PLCD1: variants seen among roughly 807,000 people sequenced by gnomAD.
PLCD1 encodes phospholipase C delta 1, also known as 1-phosphatidylinositol 4,5-bisphosphate phosphodiesterase delta-1.
Under a neutral mutation model 87.4 loss-of-function variants are expected in PLCD1, and 71 were observed. The observed-to-expected ratio is 0.81, with a 90% CI of 0.67 to 0.99. The LOEUF (loss-of-function observed/expected upper bound fraction) is 0.99, where lower values mean the gene tolerates loss of function less well. Among genes scored for constraint, PLCD1 ranks in the 50% least tolerant of loss-of-function variants. The pLI is 0.00. For missense variants in PLCD1, 867 were observed against 1,001.5 expected, an observed-to-expected ratio of 0.87 and a Z score of 1.81; for synonymous variants, 348 against 399.2, an observed-to-expected ratio of 0.87 and a Z score of 1.53.
chr3:38,021,729 C>T (rs575203007), intron 1 of PLCD1, among the ~76,000 whole-genome samples: 1 of 152,330 alleles, frequency 6.6e-6, no homozygotes, highest in Admixed American at 6.5e-5. Flanking sequence ...TGTCCTGCTG[C>T]TCCAGCACAG....
chr3:38,011,299 C>A lies in PLCD1; in HGVS notation c.705G>T (p.Thr235=). Residue 235 remains threonine, a synonymous_variant, in exon 5 of 15, where the codon ACG becomes ACT. Coordinates refer to ENST00000334661, the MANE Select transcript of PLCD1 (RefSeq NM_006225.4). The stretch of plus-strand genomic sequence containing the variant: ...CCTCCCGCTGCTGGTGCTGCAGGAA[C>A]GTCACTAACTGATCCACCGACAGAG... ...GETLSVDQLV[T]FLQHQQREEA... is the part of the protein sequence containing the mutation. The A allele has an allele frequency of 6.2e-7, 1 of 1,612,046 alleles. No individual in the cohort carries two copies. Among genetic ancestry groups the A allele is most frequent in the East Asian group, 2.2e-5 (1 of 44,884 alleles).
intron 3 of PLCD1, among the ~76,000 whole-genome samples, chr3:38,012,528 T>C (rs1320711142): frequency 6.6e-6 from 1 of 151,536 alleles, no homozygotes; most frequent in African/African-American, 2.4e-5. Flanking sequence ...TTTTTTTTTT[T>C]TTTTTGGAGA....
At chr3:38,009,009 T>G in intron 11 of PLCD1, 33 bp downstream of exon 11, 3 of 1,564,442 alleles carry the variant, frequency 1.9e-6, no homozygotes, top group Non-Finnish European at 2.6e-6. Flanking sequence ...GAAACCCTCC[T>G]CCAGGCCTCC....
chr3:38,010,643 C>T, intron 5 of PLCD1, 81 bp from the exon 6 acceptor site: 1 of 1,129,682 alleles, frequency 8.9e-7, no homozygotes, highest in Non-Finnish European at 1.3e-6. Flanking sequence ...GACAGAGGAG[C>T]CCTCTGAACC....
rs1243746017 is a variant in PLCD1, at chr3:38,008,168, G to A, written c.2036-5C>T. On this transcript the variant is annotated splice_region_variant and splice_polypyrimidine_tract_variant and intron_variant, in intron 13 of 14. Transcript: ENST00000334661. ...TGTCCCACCATGGGTTGAAACCTAG[G>A]GGGACAGGCACCATATCAGCAGCAT... 6.2e-7 allele frequency: 1 copy of A among 1,613,472 alleles called. No individual in the cohort carries two copies. Among genetic ancestry groups the A allele is most frequent in the African/African-American group, 1.3e-5 (1 of 74,898 alleles).
At chr3:38,011,040 T>A (rs1015199590) in intron 5 of PLCD1, among the ~76,000 whole-genome samples, 174 bp downstream of exon 5, 1 of 152,236 alleles carries the variant, frequency 6.6e-6, no homozygotes, top group Non-Finnish European at 1.5e-5. Context: ...GCCAGAGCCC[T>A]GTCTCTCATC....
At position 38,011,557 on chromosome 3, in the gene PLCD1, C is replaced by G. The variant is rs374756302; in HGVS notation, c.545G>C (p.Arg182Pro). ...TTCCTGCCTCACCCTGAAGATCTTC[C>G]GGGCATAGCTGTCGTCCACCTGGAT... ...LNIQVDDSYA[R>P]KIFRECDHSQ... Residue 182 changes from arginine to proline, a missense_variant, in exon 4 of 15, where the codon CGG becomes CCG. Transcript: ENST00000334661. 6.2e-7 allele frequency: 1 copy of G among 1,614,148 alleles called. No individual in the cohort carries two copies. The highest frequency in any genetic ancestry group is 8.5e-7 in the Non-Finnish European group (1 of 1,179,996).
chr3:38,008,804 C>G (rs979974511), intron 11 of PLCD1, 168 bp from the exon 12 acceptor site: 2 of 692,980 alleles, frequency 2.9e-6, no homozygotes, highest in South Asian at 1.7e-5. Flanking sequence ...ACCATGCTAA[C>G]CACACCTTCC....
rs1002007499 is a variant in PLCD1 at position 38,009,794 on chromosome 3, G to T, written c.1305C>A (p.Ile435=). 14 of 1,613,858 alleles carry T rather than the reference G, an allele frequency of 8.7e-6. No homozygotes were observed. The highest frequency in any genetic ancestry group is 4.4e-5 in the South Asian group (4 of 91,084). ...LPSPEQLKGK[I]LLKGKKLGGL... ...CCCCGAGCTTCTTCCCCTTCAGCAG[G>T]ATCTTCCCCTTCAGTTGCTAGGTGG... Residue 435 remains isoleucine, a synonymous_variant, in exon 9 of 15, where the codon ATC becomes ATA. Transcript: ENST00000334661.
intron 14 of PLCD1, 67 bp from the exon 15 acceptor site, chr3:38,007,925 G>A: frequency 1.2e-6 from 2 of 1,603,642 alleles, no homozygotes; most frequent in East Asian, 2.2e-5. Context: ...GAGGGGGGGT[G>A]GATGCGTCAA....
At chr3:38,010,713 G>A in intron 5 of PLCD1, 151 bp from the exon 6 acceptor site, 2 of 668,758 alleles carry the variant, frequency 3.0e-6, no homozygotes, top group Non-Finnish European at 5.2e-6. Context: ...ATAAGTCTGA[G>A]GCTCTCGACC....
At chr3:38,016,290 C>T (rs1001167534) in intron 3 of PLCD1, among the ~76,000 whole-genome samples, 1 of 152,204 alleles carries the variant, frequency 6.6e-6, no homozygotes, top group South Asian at 2.1e-4. Context: ...CCTCACCAGG[C>T]TCTGACCATA....
chr3:38,011,551 A>C lies in PLCD1; in HGVS notation c.551T>G (p.Ile184Ser). ...IQVDDSYARKIFRECDHSQTD... is the reference protein window; with the variant it reads ...IQVDDSYARKSFRECDHSQTD... Reference sequence around the variant, plus strand: ...CCCCACTTCCTGCCTCACCCTGAAGATCTTCCGGGCATAGCTGTCGTCCAC... The same window carrying C: ...CCCCACTTCCTGCCTCACCCTGAAGCTCTTCCGGGCATAGCTGTCGTCCAC... Residue 184 changes from isoleucine to serine, a missense_variant, in exon 4 of 15, where the codon ATC becomes AGC. Coordinates refer to ENST00000334661, the MANE Select transcript of PLCD1 (RefSeq NM_006225.4). 1 of 1,614,162 alleles carries C rather than the reference A, an allele frequency of 6.2e-7. No individual in the cohort carries two copies. The highest frequency in any genetic ancestry group is 2.2e-5 in the East Asian group (1 of 44,878).
Position 38,008,355 on chromosome 3 carries a change from G to A in PLCD1, c.1915C>T (p.Gln639Ter), listed in dbSNP as rs2125542675. ...KRLNIRVISG[Q>*]QLPKVNKNKN... The stretch of plus-strand genomic sequence containing the variant: ...TTCTTGTTGACTTTTGGCAGCTGCT[G>A]CCCCGAAATGACCTGAGGAAAGGCA... Residue 639 changes from glutamine (Q) to a stop codon, truncating the protein, a stop_gained, in exon 13 of 15, where the codon CAG becomes TAG. Coordinates refer to ENST00000334661, the MANE Select transcript of PLCD1 (RefSeq NM_006225.4). LOFTEE classifies it high-confidence loss of function. The A allele has an allele frequency of 6.2e-7, 1 of 1,614,216 alleles. No individual in the cohort carries two copies. Among genetic ancestry groups the A allele is most frequent in the African/African-American group, 1.3e-5 (1 of 75,056 alleles).
chr3:38,026,245 G>A (rs950235883), intron 1 of PLCD1, among the ~76,000 whole-genome samples: 10 of 152,318 alleles, frequency 6.6e-5, no homozygotes, highest in East Asian at 1.9e-4. Flanking sequence ...CTGGCCGGGC[G>A]CAGTGGCTCA....
In PLCD1 at chr3:38,029,520, A is replaced by G. The variant is rs1575360672; in HGVS notation, c.20T>C (p.Phe7Ser). The change falls in exon 1 of 15, where the codon TTC becomes TCC. Residue 7 changes from phenylalanine to serine, a missense_variant. Physicochemically the swap from Phe to Ser is radical, Grantham distance 155. Coordinates refer to ENST00000334661, the MANE Select transcript of PLCD1 (RefSeq NM_006225.4). The part of the protein sequence containing the change: MDSGRD[F>S]LTLHGLQDDE... The stretch of plus-strand genomic sequence containing the variant: ...CAGGCACTCACCGTGCAGGGTCAGG[A>G]AGTCCCGGCCCGAGTCCATGCCCGA... The G allele has an allele frequency of 1.3e-6, 2 of 1,539,166 alleles. No homozygotes were observed. The highest frequency in any genetic ancestry group is 1.4e-5 in the African/African-American group (1 of 73,100).
intron 2 of PLCD1, among the ~76,000 whole-genome samples, chr3:38,016,960 C>T (rs1700167697): frequency 6.6e-6 from 1 of 151,862 alleles, no homozygotes; most frequent in South Asian, 2.1e-4. Context: ...ACAGTCATTG[C>T]AGGCACAGTG....
rs566437962 is a variant in PLCD1, at chr3:38,016,156, G to C, written c.428+335C>G. Among the ~76,000 whole-genome samples, 8 of 152,262 alleles carry C rather than the reference G, an allele frequency of 5.3e-5. No individual in the cohort carries two copies. In the South Asian group the frequency reaches 1.4e-3, roughly 28 times the overall value. On this transcript the variant is annotated intron_variant, in intron 3 of 14. Coordinates refer to ENST00000334661, the MANE Select transcript of PLCD1 (RefSeq NM_006225.4). ...TAACTTGGTTGAGATGAGGTCATGAGGGTGGGGCACCCGCGCTGGGATTAG... is the reference window on the plus strand; with the variant it reads ...TAACTTGGTTGAGATGAGGTCATGACGGTGGGGCACCCGCGCTGGGATTAG...
Position 38,011,257 on chromosome 3 carries a change from C to T in PLCD1, c.747G>A (p.Ala249=), listed in dbSNP as rs531975960. Residue 249 remains alanine, a synonymous_variant, in exon 5 of 15, where the codon GCG becomes GCA. Coordinates refer to ENST00000334661, the MANE Select transcript of PLCD1 (RefSeq NM_006225.4). The part of the protein sequence containing the change: ...HQQREEAAGP[A]LALSLIERYE... ...AGCGCTCAATGAGGGAGAGGGCCAG[C>T]GCAGGCCCTGCCGCCTCCTCCCGCT... 75 of 1,611,266 alleles carry T rather than the reference C, an allele frequency of 4.7e-5. No homozygotes were observed. Among genetic ancestry groups the T allele is most frequent in the Admixed American group, 4.5e-4 (27 of 60,026 alleles).
Sources: gnomAD v4.1 joint callset for allele counts (sites outside exome capture counted in the v4.1 genomes callset) on GRCh38, gnomAD v4.1.1 for gene constraint, MANE v1.5 for transcripts, NCBI Gene and HGNC (gene_info 2026-07-23, HGNC 2026-07-21) for gene names.